The following RUFY1 variants were observed in gnomAD, a reference collection of about 807,000 sequenced individuals.
RUFY1 encodes the protein RUN and FYVE domain containing 1, also known as RUN and FYVE domain-containing protein 1.
RUFY1 carries 54 observed loss-of-function variants against 94.6 expected under a neutral mutation model. The ratio of observed to expected loss-of-function variants is 0.57; its 90% CI spans 0.46 to 0.72. The LOEUF (loss-of-function observed/expected upper bound fraction) is 0.72, where lower values mean the gene tolerates loss of function less well. Ranked by LOEUF, RUFY1 falls within the 30% of genes least tolerant of loss-of-function variation. The probability of loss-of-function intolerance (pLI) is 0.00; values close to 1 mark genes in which losing one functional copy is unlikely to be tolerated. For synonymous variants in RUFY1, 396 were observed against 347.3 expected (o/e 1.14, Z -1.56); for missense variants, 883 against 883.9 (o/e 1.00, Z 0.01).
intron 1 of RUFY1, chr5:179,559,819 A>C (rs1762299611): frequency 7.5e-7 from 1 of 1,332,230 alleles, no homozygotes; most frequent in African/African-American, 1.5e-5. Flanking sequence ...CTTCTGACCC[A>C]AGGCCCCGCC....
At chr5:179,596,404 T>C in intron 12 of RUFY1, 158 bp from the exon 13 acceptor site, 2 of 920,958 alleles carry the variant, frequency 2.2e-6, no homozygotes, top group Non-Finnish European at 3.5e-6. Context: ...GGGACCGTCC[T>C]GTATTCTGAT....
chr5:179,596,294 ATAAT>A (rs1259147850), intron 12 of RUFY1: 1 of 527,874 alleles, frequency 1.9e-6, no homozygotes, highest in Non-Finnish European at 3.4e-6. Context: ...TATATAATGT[ATAAT>A]TACATTGAGA....
At chr5:179,593,413 A>G in intron 10 of RUFY1, 65 bp from the exon 11 acceptor site, 1 of 1,540,838 alleles carries the variant, frequency 6.5e-7, no homozygotes, top group South Asian at 1.2e-5. Flanking sequence ...CTGAGATTCA[A>G]CCCCAGTTAA....
chr5:179,588,801 G>T (rs947157818), intron 8 of RUFY1, among the ~76,000 whole-genome samples: 2 of 152,160 alleles, frequency 1.3e-5, no homozygotes, highest in Non-Finnish European at 2.9e-5. Flanking sequence ...CATGATCTCA[G>T]CTCACTGCAA....
chr5:179,591,374 C>T (rs538321419), intron 9 of RUFY1, among the ~76,000 whole-genome samples: 16 of 151,556 alleles, frequency 1.1e-4, no homozygotes, highest in South Asian at 8.3e-4. Context: ...TTAGTAGAGA[C>T]GGGGTTTCAC....
At chr5:179,556,902 C>T (rs1470262867) in intron 1 of RUFY1, among the ~76,000 whole-genome samples, 1 of 152,180 alleles carries the variant, frequency 6.6e-6, no homozygotes, top group Admixed American at 6.5e-5. Flanking sequence ...TGATAGAATT[C>T]AGCATCAGTT....
chr5:179,607,482 A>G (rs1767222837), intron 16 of RUFY1, 100 bp from the exon 17 acceptor site: 1 of 921,350 alleles, frequency 1.1e-6, no homozygotes, highest in Admixed American at 1.8e-5. Flanking sequence ...TCACTAGGAA[A>G]CAGGTGCTAT....
At chr5:179,603,446 A>C (rs1581567205) in intron 15 of RUFY1, among the ~76,000 whole-genome samples, 1 of 142,568 alleles carries the variant, frequency 7.0e-6, no homozygotes, top group Non-Finnish European at 1.5e-5. Flanking sequence ...CCACCCACTC[A>C]GCTGAGTGCC....
chr5:179,580,245 A>ATAT (rs59300402), intron 6 of RUFY1, among the ~76,000 whole-genome samples: 16 of 81,684 alleles, frequency 2.0e-4, no homozygotes, highest in East Asian at 8.3e-4. Context: ...GTGTGTGTAT[A>ATAT]TTTTTTTTTT....
At chr5:179,606,255 C>T in intron 16 of RUFY1, 1 of 348,342 alleles carries the variant, frequency 2.9e-6, no homozygotes, top group Non-Finnish European at 5.3e-6. Context: ...GGAAAACAGG[C>T]CCTTCTGTTG....
rs771464085 is a variant in RUFY1, at chr5:179,550,684, G to T, written c.115G>T (p.Val39Leu). ...TGAGCCGGGAGAAGAGTTTGAGATC[G>T]TGGACCGAAGCCAGCTGCCCGGCCC... ...ALEPGEEFEI[V>L]DRSQLPGPGD... The change falls in exon 1 of 18, where the codon GTG becomes TTG. Residue 39 changes from valine (V) to leucine (L), a missense_variant. Val to Leu is a conservative substitution (Grantham distance 32). Coordinates refer to ENST00000319449, the MANE Select transcript of RUFY1 (RefSeq NM_025158.5). 27 of 1,498,864 alleles carry T rather than the reference G, an allele frequency of 1.8e-5. No homozygotes were observed. Among genetic ancestry groups the T allele is most frequent in the Middle Eastern group, 3.6e-4 (2 of 5,480 alleles). 92.8% of individuals were successfully genotyped at this position (1,498,864 alleles called of 1,614,324 possible). A position where few individuals can be genotyped will look rare whatever the true frequency, so the allele number is the denominator to read the frequency against.
At chr5:179,604,059 AAAAC>A (rs777608188) in intron 15 of RUFY1, among the ~76,000 whole-genome samples, 187 of 152,332 alleles carry the variant, frequency 1.2e-3, no homozygotes, top group Admixed American at 1.7e-3. Flanking sequence ...CTCTGTCTCA[AAAAC>A]AAACAAACAA....
At chr5:179,595,809 C>T (rs1283537099) in intron 12 of RUFY1, 2 of 152,398 alleles carry the variant, frequency 1.3e-5, no homozygotes, top group Non-Finnish European at 2.9e-5. Context: ...CTAGGCCTCC[C>T]AAAGTGCTGG....
At chr5:179,576,836 C>T (rs1163803427) in intron 5 of RUFY1, among the ~76,000 whole-genome samples, 1 of 152,046 alleles carries the variant, frequency 6.6e-6, no homozygotes, top group African/African-American at 2.4e-5. Context: ...GAAAACTAAA[C>T]TAGGTCGTGA....
intron 3 of RUFY1, among the ~76,000 whole-genome samples, chr5:179,563,938 C>T (rs980704783): frequency 2.0e-5 from 3 of 152,098 alleles, no homozygotes; most frequent in African/African-American, 7.2e-5. Context: ...TTCCAAAGTG[C>T]TGGGATTACA....
chr5:179,551,764 C>T (rs981736057), intron 1 of RUFY1, among the ~76,000 whole-genome samples: 4 of 150,714 alleles, frequency 2.7e-5, no homozygotes, highest in Non-Finnish European at 5.9e-5. Flanking sequence ...ACACCTGCCT[C>T]GGCCTCGTAA....
rs1189856511 is a variant in RUFY1, at chr5:179,604,404, C to T, written c.1857-1472C>T. On this transcript the variant is annotated intron_variant, in intron 15 of 17. Coordinates refer to ENST00000319449, the MANE Select transcript of RUFY1 (RefSeq NM_025158.5). ...GTGTTTCCCAGAGTTCTTGTATGTT[C>T]AGTTTGCCTTGTTGACCTGGCTTCC... 2.6e-5 allele frequency among the ~76,000 whole-genome samples: 4 copies of T among 152,152 alleles called. 1 individual carries two copies. Among genetic ancestry groups the T allele is most frequent in the African/African-American group, 9.7e-5 (4 of 41,422 alleles).
chr5:179,609,199 T>A (rs1232636221), intron 17 of RUFY1, among the ~76,000 whole-genome samples, 177 bp from the exon 18 acceptor site: 3 of 70,576 alleles, frequency 4.3e-5, no homozygotes, highest in East Asian at 4.1e-4. Context: ...TGAGCAAGAC[T>A]CTATCTCAAA....
At chr5:179,572,173 G>A (rs1242870404) in intron 5 of RUFY1, 23 of 298,654 alleles carry the variant, frequency 7.7e-5, no homozygotes, top group Admixed American at 6.8e-4. Context: ...CCAGTCAGTC[G>A]CAGCTCGGAA....
Sources: gnomAD v4.1 joint callset for allele counts (sites outside exome capture counted in the v4.1 genomes callset) on GRCh38, gnomAD v4.1.1 for gene constraint, MANE v1.5 for transcripts, NCBI Gene and HGNC (gene_info 2026-07-23, HGNC 2026-07-21) for gene names.